The following DAPK2 variants were observed in gnomAD, a reference collection of about 807,000 sequenced individuals.
The protein encoded by DAPK2 is death associated protein kinase 2, also known as death-associated protein kinase 2.
DAPK2 carries 35 observed loss-of-function variants against 44.1 expected under a neutral mutation model. That is an observed-to-expected ratio of 0.79 (90% CI 0.61 to 1.05). The LOEUF (loss-of-function observed/expected upper bound fraction) is 1.05, where lower values mean the gene tolerates loss of function less well. Among genes scored for constraint, DAPK2 ranks in the 50% least tolerant of loss-of-function variants. The pLI, the probability that DAPK2 is intolerant of heterozygous loss-of-function variation, is 0.00. For synonymous variants in DAPK2, 174 were observed against 182.6 expected, an observed-to-expected ratio of 0.95 and a Z score of 0.38; for missense variants, 453 against 483.2, an observed-to-expected ratio of 0.94 and a Z score of 0.59.
intron 5 of DAPK2, 28 bp from the exon 7 acceptor site, chr15:63,929,605 G>A (rs1235239332): frequency 6.2e-7 from 1 of 1,613,678 alleles, no homozygotes; most frequent in Non-Finnish European, 8.5e-7. Flanking sequence ...GTCAAGTCAG[G>A]GCCACCTGGG....
At chr15:64,032,117 A>C (rs2141150774) in intron 1 of DAPK2, among the ~76,000 whole-genome samples, 1 of 152,336 alleles carries the variant, frequency 6.6e-6, no homozygotes, top group East Asian at 1.9e-4. Flanking sequence ...ACGGACAGAT[A>C]AAAGCTGATG....
At chr15:63,957,033 T>A (rs1347933735) in intron 3 of DAPK2, among the ~76,000 whole-genome samples, 1 of 152,256 alleles carries the variant, frequency 6.6e-6, no homozygotes, top group Non-Finnish European at 1.5e-5. Context: ...ATAATGCATA[T>A]TAAGTCCTAT....
At chr15:64,042,954 C>A (rs1464061020), upstream of DAPK2, among the ~76,000 whole-genome samples, 1 of 152,138 alleles carries the variant, frequency 6.6e-6, no homozygotes, top group Non-Finnish European at 1.5e-5. The surrounding 1 kb of genome is among the most constrained non-coding windows in gnomAD (Gnocchi z 4.7). Flanking sequence ...CTCTTCATAC[C>A]TTTTTAGGGT....
chr15:63,955,590 A>G (rs1000808367), intron 3 of DAPK2, among the ~76,000 whole-genome samples: 1 of 152,094 alleles, frequency 6.6e-6, no homozygotes, highest in Non-Finnish European at 1.5e-5. Flanking sequence ...ATTGTTTGAG[A>G]CAGGGTCTCA....
intron 1 of DAPK2, among the ~76,000 whole-genome samples, chr15:64,014,753 C>G (rs1470623015): frequency 6.6e-6 from 1 of 152,094 alleles, no homozygotes; most frequent in Non-Finnish European, 1.5e-5. Flanking sequence ...AACCCCGTCT[C>G]TACTAAAAAT....
rs2078944128 is a variant in DAPK2 at position 63,916,967 on chromosome 15, T to C, written c.859-4770A>G. On this transcript the variant is annotated intron_variant, in intron 8 of 10. Coordinates refer to ENST00000261891, the Ensembl canonical transcript of DAPK2. This position sits in a 1 kb window ranked among gnomAD's most constrained non-coding sequence, Gnocchi z 4.7. ...CAAACCAGCTGTAATGGGACACTGT[T>C]GGGAGTGGTGGGGACATGTGAGGAT... 6.6e-6 allele frequency: 1 copy of C among 152,180 alleles called. No individual in the cohort carries two copies. Among genetic ancestry groups the C allele is most frequent in the Non-Finnish European group, 1.5e-5 (1 of 68,032 alleles). The allele number at this position is 152,180 out of a possible 1,614,324, so 9.4% of individuals were successfully genotyped here.
At chr15:63,951,761 A>C (rs8026204) in intron 3 of DAPK2, among the ~76,000 whole-genome samples, 4,088 of 152,242 alleles carry the variant, frequency 0.027, 182 homozygotes, top group African/African-American at 0.089. Flanking sequence ...TCCACCTGCA[A>C]TCTCTTCTGT....
intron 1 of DAPK2, among the ~76,000 whole-genome samples, chr15:64,003,667 G>T (rs954105174): frequency 1.3e-5 from 2 of 151,948 alleles, no homozygotes; most frequent in African/African-American, 2.4e-5. Context: ...GTGCAGTGGC[G>T]CAATCTCAGC....
chr15:63,940,315 T>C (rs2077272264), intron 3 of DAPK2, among the ~76,000 whole-genome samples: 1 of 151,770 alleles, frequency 6.6e-6, no homozygotes, highest in Admixed American at 6.6e-5. Context: ...AAACAGTGAA[T>C]GAATGGATAA....
At chr15:63,964,615 G>A (rs1168446020) in intron 3 of DAPK2, among the ~76,000 whole-genome samples, 1 of 151,868 alleles carries the variant, frequency 6.6e-6, no homozygotes, top group Non-Finnish European at 1.5e-5. Flanking sequence ...TTTTCTAGAT[G>A]TTATAGGAAT....
At chr15:64,046,360 C>A (rs1233134364), upstream of DAPK2, 1 of 418,254 alleles carries the variant, frequency 2.4e-6, no homozygotes, top group African/African-American at 2.2e-5. This position sits in a 1 kb window ranked among gnomAD's most constrained non-coding sequence, Gnocchi z 5.3. Context: ...GCGGGCGCGG[C>A]GGGCGCGGCG....
chr15:63,985,233 T>C (rs1277758228), intron 1 of DAPK2, among the ~76,000 whole-genome samples: 1 of 152,218 alleles, frequency 6.6e-6, no homozygotes, highest in Non-Finnish European at 1.5e-5. Flanking sequence ...TCTTACATCG[T>C]CCACTGACTC....
rs1169251434 is a variant in DAPK2 at position 63,958,464 on chromosome 15, T to C, written c.453+12959A>G. On this transcript the variant is annotated intron_variant, in intron 3 of 10. Coordinates refer to ENST00000261891, the Ensembl canonical transcript of DAPK2. ...CCTGAATGGTATTGCCTAGGTTTTC[T>C]TCTAGGGTTTTTATGGTTTTAGGTC... is the stretch of plus-strand genomic sequence containing the variant. Among the ~76,000 whole-genome samples the C allele has an allele frequency of 3.9e-5, 6 of 152,354 alleles. No homozygotes were observed. In the East Asian group the frequency reaches 9.6e-4, roughly 24 times the overall value.
intron 2 of DAPK2, among the ~76,000 whole-genome samples, chr15:63,972,471 T>C (rs1045911037): frequency 6.6e-6 from 1 of 152,168 alleles, no homozygotes; most frequent in African/African-American, 2.4e-5. Flanking sequence ...AACAAAATAT[T>C]TGTAGAAATA....
rs983607206 is a variant in DAPK2, at chr15:63,966,902, C to T, written c.453+4521G>A. 6.6e-6 allele frequency among the ~76,000 whole-genome samples: 1 copy of T among 152,122 alleles called. No individual in the cohort carries two copies. Among genetic ancestry groups the T allele is most frequent in the East Asian group, 1.9e-4 (1 of 5,198 alleles). ...GAAATTAAAACCAGGTACTGTGGGC[C>T]GGGCGCAGTGGCTCACACCTGTAAT... On this transcript the variant is annotated intron_variant, in intron 3 of 10. Coordinates refer to ENST00000261891, the Ensembl canonical transcript of DAPK2. This position sits in a 1 kb window ranked among gnomAD's most constrained non-coding sequence, Gnocchi z 5.5.
At chr15:63,931,573 A>G (rs2079556908) in intron 4 of DAPK2, among the ~76,000 whole-genome samples, 1 of 152,184 alleles carries the variant, frequency 6.6e-6, no homozygotes, top group Admixed American at 6.5e-5. Context: ...CCTGAGGAGC[A>G]GGAGGACATT....
chr15:63,958,981 C>G (rs1027016887), intron 3 of DAPK2, among the ~76,000 whole-genome samples: 1 of 152,196 alleles, frequency 6.6e-6, no homozygotes, highest in African/African-American at 2.4e-5. Flanking sequence ...TCTTCCTACC[C>G]ATGAGCATGG....
chr15:63,947,403 A>G (rs1339476248), intron 3 of DAPK2, among the ~76,000 whole-genome samples: 1 of 152,174 alleles, frequency 6.6e-6, no homozygotes, highest in African/African-American at 2.4e-5. Flanking sequence ...GGCTGGCATT[A>G]TAGCAGGGCC....
chr15:63,929,434 C>T (rs922834603), intron 6 of DAPK2, 117 bp downstream of exon 7: 5 of 1,347,290 alleles, frequency 3.7e-6, no homozygotes, highest in Non-Finnish European at 5.2e-6. Flanking sequence ...GGACTTAACA[C>T]ATCTGGATTA....
Sources: gnomAD v4.1 joint callset for allele counts (sites outside exome capture counted in the v4.1 genomes callset) on GRCh38, gnomAD v4.1.1 for gene constraint, Gnocchi (gnomAD v3.1) non-coding constraint, MANE v1.5 for transcripts, NCBI Gene and HGNC (gene_info 2026-07-23, HGNC 2026-07-21) for gene names.